Variants in GRIN2B observed in about 807,000 individuals in gnomAD.
GRIN2B encodes the protein glutamate receptor ionotropic, NMDA 2B.
GRIN2B carries 5 observed loss-of-function variants against 114.5 expected under a neutral mutation model. That is an observed-to-expected ratio of 0.04 (90% CI 0.02 to 0.09). The LOEUF (loss-of-function observed/expected upper bound fraction) is 0.09. Ranked by LOEUF, GRIN2B falls within the 10% of genes least tolerant of loss-of-function variation. The pLI, the probability that GRIN2B is intolerant of heterozygous loss-of-function variation, is 1.00. For missense variants in GRIN2B, 1,108 were observed against 1,943.5 expected, an observed-to-expected ratio of 0.57 and a Z score of 8.08; for synonymous variants, 787 against 745.1, an observed-to-expected ratio of 1.06 and a Z score of -0.92.
Position 13,549,966 on chromosome 12 carries a change from T to C in GRIN2B, c.*12817A>G, listed in dbSNP as rs1948389778. Reference sequence around the variant, plus strand: ...ACTGCTAGATGCTGAAAACCTACAGTGGGGGCAGACAATTCAGGCAGCATT... The same window carrying C: ...ACTGCTAGATGCTGAAAACCTACAGCGGGGGCAGACAATTCAGGCAGCATT... On this transcript the variant is annotated 3_prime_UTR_variant, in exon 14 of 14. Coordinates refer to ENST00000609686, the MANE Select transcript of GRIN2B (RefSeq NM_000834.5). 1.3e-5 allele frequency: 2 copies of C among 152,026 alleles called. No homozygotes were observed. The highest frequency in any genetic ancestry group is 6.6e-5 in the Admixed American group (1 of 15,260). 9.4% of individuals were successfully genotyped at this position (152,026 alleles called of 1,614,324 possible).
chr12:13,839,074 A>T (rs551696604), intron 3 of GRIN2B, among the ~76,000 whole-genome samples: 1 of 147,142 alleles, frequency 6.8e-6, no homozygotes, highest in Admixed American at 6.7e-5. Context: ...GGTGCCACCA[A>T]GGACTCTTCT....
At chr12:13,955,128 T>C (rs1867567076) in intron 2 of GRIN2B, among the ~76,000 whole-genome samples, 1 of 152,166 alleles carries the variant, frequency 6.6e-6, no homozygotes, top group Admixed American at 6.5e-5. Flanking sequence ...TTTTAAGATA[T>C]TTGAAGTAAA....
chr12:13,911,398 G>C (rs932313808), intron 2 of GRIN2B, among the ~76,000 whole-genome samples: 1 of 152,080 alleles, frequency 6.6e-6, no homozygotes, highest in East Asian at 1.9e-4. Flanking sequence ...CAACAAGAAG[G>C]CCTCGTCAAC....
At chr12:13,733,206 G>A (rs960996698) in intron 4 of GRIN2B, among the ~76,000 whole-genome samples, 7 of 152,098 alleles carry the variant, frequency 4.6e-5, no homozygotes, top group Non-Finnish European at 7.4e-5. Context: ...GTTTATGGGG[G>A]TATATCAGGA....
intron 2 of GRIN2B, among the ~76,000 whole-genome samples, chr12:13,906,544 A>T (rs570957950): frequency 5.3e-5 from 8 of 152,366 alleles, no homozygotes; most frequent in African/African-American, 1.9e-4. Flanking sequence ...CACACATTTC[A>T]TGTAGGTAGT....
intron 3 of GRIN2B, among the ~76,000 whole-genome samples, chr12:13,792,663 T>C (rs932009024): frequency 6.6e-6 from 1 of 152,224 alleles, no homozygotes; most frequent in African/African-American, 2.4e-5. Context: ...GTGCTCTCAA[T>C]GGAAGAAGAC....
chr12:13,925,097 G>A (rs1276745669), intron 2 of GRIN2B, among the ~76,000 whole-genome samples: 3 of 152,190 alleles, frequency 2.0e-5, no homozygotes, highest in Admixed American at 6.5e-5. Flanking sequence ...CACCTGAAAC[G>A]AAAACCTACA....
chr12:13,966,348 A>C (rs757886861), intron 2 of GRIN2B, among the ~76,000 whole-genome samples: 4 of 152,214 alleles, frequency 2.6e-5, no homozygotes, highest in Admixed American at 2.0e-4. Context: ...TCCTTCATTG[A>C]AAACCTTCCT....
intron 3 of GRIN2B, among the ~76,000 whole-genome samples, chr12:13,801,210 A>T (rs1338183665): frequency 6.6e-6 from 1 of 152,208 alleles, no homozygotes; most frequent in African/African-American, 2.4e-5. Flanking sequence ...CGTGATCATT[A>T]AGCGCACTAT....
intron 3 of GRIN2B, among the ~76,000 whole-genome samples, chr12:13,863,322 A>G (rs2136743609): frequency 6.6e-6 from 1 of 152,346 alleles, no homozygotes; most frequent in South Asian, 2.1e-4. Context: ...ATCATGTAAT[A>G]GATCACTTTC....
intron 5 of GRIN2B, among the ~76,000 whole-genome samples, chr12:13,637,739 T>C (rs1294250042): frequency 3.9e-5 from 6 of 152,172 alleles, no homozygotes; most frequent in Admixed American, 3.9e-4. Flanking sequence ...TAGGACACTA[T>C]ACCCTTAGAA....
chr12:13,812,553 T>C (rs1864751575), intron 3 of GRIN2B, among the ~76,000 whole-genome samples: 1 of 152,190 alleles, frequency 6.6e-6, no homozygotes, highest in Admixed American at 6.5e-5. Context: ...CTACACTACT[T>C]TGCATTCACT....
intron 4 of GRIN2B, among the ~76,000 whole-genome samples, chr12:13,712,856 G>A (rs973729507): frequency 6.6e-6 from 1 of 151,862 alleles, no homozygotes; most frequent in Non-Finnish European, 1.5e-5. Flanking sequence ...TCTTCAAACA[G>A]TTCTTGGAGA....
chr12:13,624,291 T>C (rs1949547873), intron 5 of GRIN2B, among the ~76,000 whole-genome samples: 1 of 152,186 alleles, frequency 6.6e-6, no homozygotes, highest in African/African-American at 2.4e-5. Flanking sequence ...TATTGACTGA[T>C]GTCACTGCAC....
At chr12:13,679,686 A>G (rs1029041040) in intron 4 of GRIN2B, among the ~76,000 whole-genome samples, 11 of 152,220 alleles carry the variant, frequency 7.2e-5, no homozygotes, top group African/African-American at 2.7e-4. Flanking sequence ...GAGAACATTT[A>G]GCCATTACTG....
intron 5 of GRIN2B, among the ~76,000 whole-genome samples, chr12:13,640,956 G>A (rs906390518): frequency 6.6e-6 from 1 of 152,120 alleles, no homozygotes; most frequent in Non-Finnish European, 1.5e-5. Flanking sequence ...ACTCTGTTGT[G>A]AGAAGAACCA....
At chr12:13,873,853 A>G (rs1405585983) in intron 2 of GRIN2B, among the ~76,000 whole-genome samples, 2 of 152,226 alleles carry the variant, frequency 1.3e-5, no homozygotes, top group African/African-American at 4.8e-5. Context: ...ATTAACCCCA[A>G]ATGGATTTCA....
chr12:13,580,280 C>T (rs1319731752), intron 10 of GRIN2B, among the ~76,000 whole-genome samples: 2 of 152,148 alleles, frequency 1.3e-5, no homozygotes, highest in Non-Finnish European at 2.9e-5. Context: ...GGGTAGTTGG[C>T]TTCCCTGAAA....
intron 3 of GRIN2B, among the ~76,000 whole-genome samples, chr12:13,850,618 C>T (rs1054995942): frequency 3.9e-5 from 6 of 152,146 alleles, no homozygotes; most frequent in African/African-American, 1.4e-4. Context: ...TGGCTATTCC[C>T]TTATTCTGAA....
Sources: allele counts gnomAD v4.1 joint callset (sites outside exome capture counted in the v4.1 genomes callset), GRCh38; gene constraint gnomAD v4.1.1; transcripts MANE v1.5; gene names NCBI Gene and HGNC (gene_info 2026-07-23, HGNC 2026-07-21).